PISD: variants seen among roughly 807,000 people sequenced by gnomAD.
PISD encodes the protein phosphatidylserine decarboxylase.
PISD carries 31 observed loss-of-function variants against 43.5 expected under a neutral mutation model. The observed-to-expected ratio is 0.71, with a 90% CI of 0.54 to 0.96. The LOEUF (loss-of-function observed/expected upper bound fraction) is 0.96, where lower values mean the gene tolerates loss of function less well. Ranked by LOEUF, PISD falls within the 40% of genes least tolerant of loss-of-function variation. The probability of loss-of-function intolerance (pLI) is 0.00; values close to 1 mark genes in which losing one functional copy is unlikely to be tolerated. For synonymous variants in PISD, 259 were observed against 228.7 expected (o/e 1.13, Z -1.20); for missense variants, 523 against 548.4 (o/e 0.95, Z 0.46).
In PISD at chr22:31,662,151, G is replaced by T. The variant is rs2074338754; in HGVS notation, c.58C>A (p.Arg20=). The change falls in exon 1 of 8, where the codon CGG becomes AGG. Residue 20 remains arginine, a synonymous_variant. Transcript: ENST00000439502. The part of the protein sequence containing the change: ...LGLLHGVAPW[R]SSLHPCEITA... The stretch of plus-strand genomic sequence containing the variant: ...CTCTCCGCGCTGCTATACCTGCTCC[G>T]CCACGGCGCGACCCCGTGCAGTAAT... The T allele has an allele frequency of 1.2e-6, 2 of 1,607,236 alleles. No individual in the cohort carries two copies. Among genetic ancestry groups the T allele is most frequent in the Non-Finnish European group, 8.5e-7 (1 of 1,179,638 alleles).
chr22:31,650,660 G>T, intron 2 of PISD, 39 bp downstream of exon 2: 3 of 1,195,950 alleles, frequency 2.5e-6, no homozygotes, highest in African/African-American at 1.5e-5. Flanking sequence ...CCAAACTGAG[G>T]CAGAGAGAGG....
intron 3 of PISD, chr22:31,628,968 C>T (rs1466785963): frequency 3.0e-6 from 3 of 985,282 alleles, no homozygotes; most frequent in East Asian, 2.3e-4. Flanking sequence ...CAAACTTGCG[C>T]GGAGTGACCG....
At chr22:31,638,821 CT>C (rs531586361) in intron 3 of PISD, 339 of 123,284 alleles carry the variant, frequency 2.7e-3, no homozygotes, top group Non-Finnish European at 3.8e-3. Flanking sequence ...TTTTTTCTTT[CT>C]TTTTTTTTTT....
intron 3 of PISD, among the ~76,000 whole-genome samples, chr22:31,623,461 GC>G (rs2072693534): frequency 6.6e-6 from 1 of 152,236 alleles, no homozygotes; most frequent in Admixed American, 6.5e-5. Flanking sequence ...AGGGGAGTGG[GC>G]AGGGCACGAC....
chr22:31,621,472 T>C lies in PISD; in HGVS notation c.559A>G (p.Ile187Val), dbSNP rs1392910016. The C allele has an allele frequency of 6.2e-7, 1 of 1,614,006 alleles. No individual in the cohort carries two copies. The highest frequency in any genetic ancestry group is 1.3e-5 in the African/African-American group (1 of 74,920). Reference sequence around the variant, plus strand: ...AGGATCCTTCCATCCGATGGGCTAATCTGGAAGGGCAGGAGAGGCTTGCTG... The same window carrying C: ...AGGATCCTTCCATCCGATGGGCTAACCTGGAAGGGCAGGAGAGGCTTGCTG... ...ARPVCGLHSV[I>V]SPSDGRILNF... Residue 187 changes from isoleucine to valine, a missense_variant and splice_region_variant, in exon 5 of 8, where the codon ATT becomes GTT. Coordinates refer to ENST00000439502, the MANE Select transcript of PISD (RefSeq NM_001326411.2).
At chr22:31,634,449 C>A (rs112482256) in intron 3 of PISD, among the ~76,000 whole-genome samples, 1,826 of 152,348 alleles carry the variant, frequency 0.012, 35 homozygotes, top group African/African-American at 0.042. Context: ...TGCAAGATGT[C>A]CCGGATACCC....
At chr22:31,642,011 A>C (rs994333954) in intron 3 of PISD, among the ~76,000 whole-genome samples, 1 of 151,102 alleles carries the variant, frequency 6.6e-6, no homozygotes, top group African/African-American at 2.5e-5. Context: ...TCCTACACGT[A>C]GGCTTTCATC....
At chr22:31,650,462 G>A (rs2074000317) in intron 2 of PISD, among the ~76,000 whole-genome samples, 2 of 151,734 alleles carry the variant, frequency 1.3e-5, no homozygotes, top group Non-Finnish European at 2.9e-5. Flanking sequence ...CCCAGGAGGT[G>A]GAGGTTTAGT....
At chr22:31,636,010 G>A (rs2073419508) in intron 3 of PISD, among the ~76,000 whole-genome samples, 1 of 152,210 alleles carries the variant, frequency 6.6e-6, no homozygotes, top group Non-Finnish European at 1.5e-5. Flanking sequence ...GGGCATGAAT[G>A]GCCCTATTTA....
intron 1 of PISD, among the ~76,000 whole-genome samples, chr22:31,655,074 T>TC (rs1246712740): frequency 5.1e-5 from 4 of 78,634 alleles, no homozygotes; most frequent in Non-Finnish European, 7.0e-5. Context: ...AGACTCTATC[T>TC]CCAAAAAAAA....
chr22:31,621,347 C>T lies in PISD; in HGVS notation c.684G>A (p.Leu228=). ...FLGPRMCTED[L]PFPPAASCDS... ...GCAGTGACCCACCTGGTGGGAAGGG[C>T]AGGTCCTCTGTGCACATACGCGGGC... Residue 228 remains leucine (L), a synonymous_variant, in exon 5 of 8, where the codon CTG becomes CTA. Coordinates refer to ENST00000439502, the MANE Select transcript of PISD (RefSeq NM_001326411.2). 2 of 1,614,064 alleles carry T rather than the reference C, an allele frequency of 1.2e-6. No homozygotes were observed. The highest frequency in any genetic ancestry group is 1.7e-6 in the Non-Finnish European group (2 of 1,180,008).
intron 1 of PISD, among the ~76,000 whole-genome samples, chr22:31,658,777 C>T (rs1652241302): frequency 1.3e-5 from 2 of 152,010 alleles, no homozygotes; most frequent in African/African-American, 4.8e-5. Context: ...AAGCAATTCT[C>T]CTGCCTCAGC....
rs768243917 is a variant in PISD, at chr22:31,623,731, C to T, written c.322-1846G>A. 5 of 1,614,144 alleles carry T rather than the reference C, an allele frequency of 3.1e-6. No individual in the cohort carries two copies. Among genetic ancestry groups the T allele is most frequent in the East Asian group, 4.5e-5 (2 of 44,884 alleles). ...ACCCGGCTGAGCGGTCTGAGGGCGC[C>T]GAAGGGCAGGAGGTAGTAGAGGACG... On this transcript the variant is annotated intron_variant, in intron 3 of 7. Transcript: ENST00000439502.
At position 31,662,137 on chromosome 22, in the gene PISD, G is replaced by A; in HGVS notation, c.65+7C>T. 2 of 1,607,208 alleles carry A rather than the reference G, an allele frequency of 1.2e-6. No individual in the cohort carries two copies. On this transcript the variant is annotated splice_region_variant and intron_variant, in intron 1 of 7. Transcript: ENST00000439502. ...CGCCCCAAGGTAGTCTCTCCGCGCTGCTATACCTGCTCCGCCACGGCGCGA... is the reference window on the plus strand; with the variant it reads ...CGCCCCAAGGTAGTCTCTCCGCGCTACTATACCTGCTCCGCCACGGCGCGA...
At chr22:31,652,081 T>G (rs1284961876) in intron 1 of PISD, among the ~76,000 whole-genome samples, 1 of 152,196 alleles carries the variant, frequency 6.6e-6, no homozygotes, top group Non-Finnish European at 1.5e-5. Context: ...AAAAATAGAA[T>G]TGCATTTATT....
intron 3 of PISD, chr22:31,626,155 T>A: frequency 2.8e-6 from 2 of 717,508 alleles, no homozygotes; most frequent in Non-Finnish European, 3.9e-6. Flanking sequence ...TACCCAGGGC[T>A]GAGCCAGCCT....
chr22:31,626,574 T>C (rs950724329), intron 3 of PISD, among the ~76,000 whole-genome samples: 3 of 152,040 alleles, frequency 2.0e-5, no homozygotes, highest in African/African-American at 7.2e-5. Flanking sequence ...GCTCCAGGCC[T>C]CCTCAGAAGC....
At chr22:31,641,457 G>A (rs1277690636) in intron 3 of PISD, among the ~76,000 whole-genome samples, 1 of 152,128 alleles carries the variant, frequency 6.6e-6, no homozygotes, top group Admixed American at 6.5e-5. Context: ...GACAGAGGGA[G>A]GATTCATATC....
chr22:31,637,162 AAAATATATATATATATATATATATATAT>A (rs1188439851), intron 3 of PISD, among the ~76,000 whole-genome samples: 11 of 15,474 alleles, frequency 7.1e-4, no homozygotes, highest in Middle Eastern at 0.042. Flanking sequence ...AAAAAAAAAA[AAAATATATATATATATATATATATATAT>A]ATATATATAT....
Sources: gnomAD v4.1 joint callset for allele counts (sites outside exome capture counted in the v4.1 genomes callset) on GRCh38, gnomAD v4.1.1 for gene constraint, MANE v1.5 for transcripts, NCBI Gene and HGNC (gene_info 2026-07-23, HGNC 2026-07-21) for gene names.